The following SLC24A2 variants were observed in gnomAD, a reference collection of about 807,000 sequenced individuals.
SLC24A2 encodes the protein sodium/potassium/calcium exchanger 2.
In SLC24A2, 36 loss-of-function variants were observed where a neutral mutation model predicts 62.0. The ratio of observed to expected loss-of-function variants is 0.58; its 90% CI spans 0.44 to 0.77. The LOEUF (loss-of-function observed/expected upper bound fraction) is 0.77, where lower values mean the gene tolerates loss of function less well. Ranked by LOEUF, SLC24A2 falls within the 30% of genes least tolerant of loss-of-function variation. The probability of loss-of-function intolerance (pLI) is 0.00; values close to 1 mark genes in which losing one functional copy is unlikely to be tolerated. For missense variants in SLC24A2, 846 were observed against 817.9 expected (o/e 1.03, Z -0.42); for synonymous variants, 358 against 294.0 (o/e 1.22, Z -2.23).
the SLC24A2 span, among the ~76,000 whole-genome samples, chr9:20,206,851 T>C: frequency 3.4e-3 from 458 of 135,584 alleles, 1 homozygote; most frequent in Non-Finnish European, 5.4e-3. Flanking sequence ...AAACTGATGA[T>C]ATATAACCCT....
the SLC24A2 span, among the ~76,000 whole-genome samples, chr9:20,019,965 G>T: frequency 3.6e-4 from 54 of 151,690 alleles, no homozygotes; most frequent in South Asian, 6.2e-3. Flanking sequence ...CAAACATATG[G>T]AAAGAGGCTC....
intron 5 of SLC24A2, among the ~76,000 whole-genome samples, chr9:19,585,829 G>A (rs148711115): frequency 4.6e-5 from 7 of 152,228 alleles, no homozygotes; most frequent in African/African-American, 9.6e-5. Context: ...GGTTACCCAC[G>A]TGTGCCCATT....
chr9:19,760,834 G>T (rs1251340531), intron 2 of SLC24A2, among the ~76,000 whole-genome samples: 2 of 148,358 alleles, frequency 1.3e-5, no homozygotes, highest in Non-Finnish European at 3.0e-5. Context: ...AACACCACAT[G>T]TTCTCACTCA....
At chr9:20,218,525 A>G in the SLC24A2 span, among the ~76,000 whole-genome samples, 1 of 152,120 alleles carries the variant, frequency 6.6e-6, no homozygotes, top group African/African-American at 2.4e-5. Context: ...CTCTATATCT[A>G]GAATGTTCTT....
the SLC24A2 span, among the ~76,000 whole-genome samples, chr9:20,271,087 C>T: frequency 6.6e-6 from 1 of 152,188 alleles, no homozygotes; most frequent in African/African-American, 2.4e-5. Flanking sequence ...CTTACTCTCG[C>T]TTTAAGGTTA....
the SLC24A2 span, among the ~76,000 whole-genome samples, chr9:20,176,683 A>C: frequency 2.0e-5 from 3 of 152,126 alleles, no homozygotes; most frequent in Non-Finnish European, 4.4e-5. Flanking sequence ...GAAGTTAGAC[A>C]TTGGTGACTA....
the SLC24A2 span, among the ~76,000 whole-genome samples, chr9:20,081,619 T>TAA: frequency 2.0e-5 from 3 of 151,956 alleles, no homozygotes; most frequent in African/African-American, 7.3e-5. Context: ...CCCTAAAATT[T>TAA]AAAGTATAAT....
At chr9:19,919,048 C>T in the SLC24A2 span, among the ~76,000 whole-genome samples, 2 of 152,206 alleles carry the variant, frequency 1.3e-5, no homozygotes, top group Non-Finnish European at 2.9e-5. Context: ...TGATATCACA[C>T]TGAATGGGAT....
chr9:19,720,834 A>AAGGTG (rs1219217757), intron 2 of SLC24A2, among the ~76,000 whole-genome samples: 1 of 123,604 alleles, frequency 8.1e-6, no homozygotes, highest in African/African-American at 3.4e-5. Context: ...TATATGTGGA[A>AAGGTG]TGATGTGTGT....
the SLC24A2 span, among the ~76,000 whole-genome samples, chr9:20,163,942 A>T: frequency 3.9e-5 from 6 of 152,192 alleles, no homozygotes; most frequent in Admixed American, 6.6e-5. Context: ...GAGAAAGCTG[A>T]AACTGGATCC....
At chr9:19,907,383 A>G in the SLC24A2 span, among the ~76,000 whole-genome samples, 5 of 152,224 alleles carry the variant, frequency 3.3e-5, no homozygotes, top group Admixed American at 3.3e-4. Context: ...CTGAATGGGC[A>G]AAAACTGGAA....
the SLC24A2 span, among the ~76,000 whole-genome samples, chr9:20,023,865 A>T: frequency 6.6e-6 from 1 of 152,030 alleles, no homozygotes. Flanking sequence ...ATTGTCTACC[A>T]CTCTACTTAG....
chr9:20,242,481 A>C, the SLC24A2 span, among the ~76,000 whole-genome samples: 2 of 152,244 alleles, frequency 1.3e-5, no homozygotes, highest in Non-Finnish European at 2.9e-5. Flanking sequence ...ATTGTCCTCC[A>C]AATCAGCAAC....
chr9:19,707,081 C>G (rs1305574959), intron 2 of SLC24A2, among the ~76,000 whole-genome samples: 3 of 151,788 alleles, frequency 2.0e-5, no homozygotes, highest in South Asian at 2.1e-4. Context: ...GATATCACCA[C>G]CGATCCCACA....
At chr9:20,087,735 A>C in the SLC24A2 span, among the ~76,000 whole-genome samples, 1 of 152,224 alleles carries the variant, frequency 6.6e-6, no homozygotes, top group Admixed American at 6.5e-5. Context: ...CACTGCTCTC[A>C]TGGAGAGAAA....
At chr9:19,996,492 C>G in the SLC24A2 span, among the ~76,000 whole-genome samples, 9 of 152,066 alleles carry the variant, frequency 5.9e-5, no homozygotes, top group African/African-American at 2.2e-4. Flanking sequence ...TGTAATCCCA[C>G]ACTTTGGGAG....
chr9:20,277,610 G>C, the SLC24A2 span, among the ~76,000 whole-genome samples: 15 of 152,180 alleles, frequency 9.9e-5, no homozygotes, highest in Admixed American at 9.8e-4. Context: ...AGGATGTGGA[G>C]AAATAGGAAC....
chr9:19,871,343 T>C, the SLC24A2 span, among the ~76,000 whole-genome samples: 1 of 152,352 alleles, frequency 6.6e-6, no homozygotes, highest in Admixed American at 6.5e-5. Context: ...GAATTCTTCT[T>C]ATGTTGATGG....
intron 4 of SLC24A2, among the ~76,000 whole-genome samples, chr9:19,606,233 G>GT (rs1055105376): frequency 1.6e-4 from 25 of 152,122 alleles, no homozygotes; most frequent in Non-Finnish European, 3.1e-4. Flanking sequence ...TGGATAAAAG[G>GT]TTTTTTCTCA....
Sources: gnomAD v4.1 joint callset for allele counts (sites outside exome capture counted in the v4.1 genomes callset) on GRCh38, gnomAD v4.1.1 for gene constraint, MANE v1.5 for transcripts, NCBI Gene and HGNC (gene_info 2026-07-23, HGNC 2026-07-21) for gene names.